The following PDE6A variants were observed in gnomAD, a reference collection of about 807,000 sequenced individuals.
PDE6A encodes phosphodiesterase 6A.
PDE6A carries 84 observed loss-of-function variants against 106.3 expected under a neutral mutation model. The observed-to-expected ratio is 0.79, with a 90% CI of 0.66 to 0.95. The LOEUF is 0.95. Ranked by LOEUF, PDE6A falls within the 40% of genes least tolerant of loss-of-function variation. The pLI is 0.00. For synonymous variants in PDE6A, 394 were observed against 386.6 expected, an observed-to-expected ratio of 1.02 and a Z score of -0.23; for missense variants, 1,052 against 1,084.9, an observed-to-expected ratio of 0.97 and a Z score of 0.43.
At chr5:149,899,319 C>T (rs528039183) in intron 9 of PDE6A, 56 bp downstream of exon 9, 213 of 1,587,518 alleles carry the variant, frequency 1.3e-4, no homozygotes, top group South Asian at 1.1e-3. Context: ...CACCCAGCCT[C>T]CCCCAGCAAG....
Position 149,899,739 on chromosome 5 carries a change from A to G in PDE6A, c.1114-215T>C, listed in dbSNP as rs566876089. Among the ~76,000 whole-genome samples the G allele has an allele frequency of 9.3e-4, 141 of 152,148 alleles. 1 individual carries two copies. Among genetic ancestry groups the G allele is most frequent in the African/African-American group, 3.3e-3 (135 of 41,504 alleles). On this transcript the variant is annotated intron_variant, in intron 8 of 21. Transcript: ENST00000255266. ...TAAGCCAAGTAGCCATTTTGTGTTC[A>G]CCCCTCAGATGTCAGGGCCAGTGTG...
intron 4 of PDE6A, among the ~76,000 whole-genome samples, chr5:149,923,065 C>G (rs540638201): frequency 6.6e-6 from 1 of 152,338 alleles, no homozygotes; most frequent in African/African-American, 2.4e-5. Flanking sequence ...TATTTCTATA[C>G]TTTACTTCCA....
Position 149,944,609 on chromosome 5 carries a change from T to C in PDE6A, c.65A>G (p.Gln22Arg), listed in dbSNP as rs1435966892. 1 of 1,613,892 alleles carries C rather than the reference T, an allele frequency of 6.2e-7. No individual in the cohort carries two copies. Among genetic ancestry groups the C allele is most frequent in the African/African-American group, 1.3e-5 (1 of 74,906 alleles). Residue 22 changes from glutamine (Q) to arginine (R), a missense_variant, in exon 1 of 22, where the codon CAG (glutamine) becomes CGG (arginine). Coordinates refer to ENST00000255266, the MANE Select transcript of PDE6A (RefSeq NM_000440.3). ...FLDSNIGFAK[Q>R]YYNLHYRAKL... ...GGCCCGGTAGTGGAGGTTGTAGTACTGTTTGGCAAAGCCAATATTCGAGTC... is the reference window on the plus strand; with the variant it reads ...GGCCCGGTAGTGGAGGTTGTAGTACCGTTTGGCAAAGCCAATATTCGAGTC...
chr5:149,906,393 G>T (rs955516433), intron 7 of PDE6A, among the ~76,000 whole-genome samples: 1 of 151,334 alleles, frequency 6.6e-6, no homozygotes, highest in Admixed American at 6.6e-5. Context: ...GGGTGTGGTG[G>T]TGCATGCCTG....
intron 8 of PDE6A, among the ~76,000 whole-genome samples, chr5:149,900,019 G>C (rs1203435538): frequency 6.6e-6 from 1 of 151,922 alleles, no homozygotes; most frequent in Non-Finnish European, 1.5e-5. Flanking sequence ...GAAAGAATCT[G>C]TGCCTCACTG....
chr5:149,906,534 A>AAAAAAAAAAAAAAAAAAAAAAAAAAAAC (rs1753194915), intron 7 of PDE6A, among the ~76,000 whole-genome samples: 1 of 149,022 alleles, frequency 6.7e-6, no homozygotes, highest in Non-Finnish European at 1.5e-5. Context: ...AAAAAAAAAA[A>AAAAAAAAAAAAAAAAAAAAAAAAAAAAC]AAAATCCCAC....
chr5:149,928,515 C>T (rs1050060574), intron 4 of PDE6A, among the ~76,000 whole-genome samples: 9 of 151,960 alleles, frequency 5.9e-5, no homozygotes, highest in Admixed American at 1.3e-4. Flanking sequence ...GGATTACAGG[C>T]GTGAGCCACC....
At chr5:149,910,325 G>A (rs1753335567) in intron 6 of PDE6A, among the ~76,000 whole-genome samples, 1 of 152,108 alleles carries the variant, frequency 6.6e-6, no homozygotes, top group African/African-American at 2.4e-5. Flanking sequence ...CTGTAAACAG[G>A]ATATAGGATT....
At chr5:149,890,435 T>C (rs1462664793) in intron 13 of PDE6A, among the ~76,000 whole-genome samples, 2 of 152,234 alleles carry the variant, frequency 1.3e-5, no homozygotes, top group Non-Finnish European at 2.9e-5. Context: ...ATACAATTAA[T>C]GCTAAATCTT....
In PDE6A at chr5:149,903,757, C is replaced by T. The variant is rs10045697; in HGVS notation, c.1066-62G>A. 0.12 allele frequency: 146,598 copies of T among 1,183,872 alleles called. 9,413 individuals carry two copies. Among genetic ancestry groups the T allele is most frequent in the South Asian group, 0.18 (15,207 of 82,584 alleles). 73.3% of individuals were successfully genotyped at this position (1,183,872 alleles called of 1,614,324 possible). A position where few individuals can be genotyped will look rare whatever the true frequency, so the allele number is the denominator to read the frequency against. On this transcript the variant is annotated intron_variant, in intron 7 of 21. Coordinates refer to ENST00000255266, the MANE Select transcript of PDE6A (RefSeq NM_000440.3). ...AGGCCTGAGAGGGTGCCCAGTGAAG[C>T]ACTGTATACCATTTTCAGAAACACC...
intron 1 of PDE6A, among the ~76,000 whole-genome samples, chr5:149,942,737 C>T (rs4705401): frequency 0.22 from 33,242 of 151,426 alleles, 4,228 homozygotes; most frequent in African/African-American, 0.33. Flanking sequence ...AGCGGGAAAA[C>T]ATGTGAGCAA....
chr5:149,928,227 A>ATTTTTTTT, intron 4 of PDE6A, among the ~76,000 whole-genome samples: 1 of 26,490 alleles, frequency 3.8e-5, no homozygotes, highest in Admixed American at 3.4e-4. Context: ...ATATATATAT[A>ATTTTTTTT]TATATTTTTT....
At chr5:149,938,266 T>C (rs1754237078) in intron 1 of PDE6A, among the ~76,000 whole-genome samples, 1 of 152,152 alleles carries the variant, frequency 6.6e-6, no homozygotes, top group Non-Finnish European at 1.5e-5. Flanking sequence ...TAAGGTCCTC[T>C]GTGAAGGTTT....
chr5:149,920,799 C>T (rs1294657058), intron 5 of PDE6A, among the ~76,000 whole-genome samples: 5 of 151,312 alleles, frequency 3.3e-5, no homozygotes. Context: ...CTTTGGGAGG[C>T]CAAGGTAGGA....
intron 5 of PDE6A, among the ~76,000 whole-genome samples, chr5:149,920,942 A>AAAAGAAAGAAAGAG (rs1753688520): frequency 2.8e-5 from 3 of 108,282 alleles, no homozygotes; most frequent in Non-Finnish European, 3.5e-5. Flanking sequence ...GAAAGAGAGA[A>AAAAGAAAGAAAGAG]AAAGAAAGAA....
intron 6 of PDE6A, among the ~76,000 whole-genome samples, chr5:149,910,322 C>T (rs1753335331): frequency 6.6e-6 from 1 of 152,152 alleles, no homozygotes; most frequent in African/African-American, 2.4e-5. Flanking sequence ...CTCCTGTAAA[C>T]AGGATATAGG....
In PDE6A at chr5:149,896,429, A is replaced by G. The variant is rs747689477; in HGVS notation, c.1547T>C (p.Leu516Pro). ...CTGTATTCCACATTTTACCAGCTCCAGTTCTGTTAGGGGTAAGTCACTGAA... is the reference window on the plus strand; with the variant it reads ...CTGTATTCCACATTTTACCAGCTCCGGTTCTGTTAGGGGTAAGTCACTGAA... ...FHFSDLPLTELELVKCGIQMY... is the reference protein window; with the variant it reads ...FHFSDLPLTEPELVKCGIQMY... The change falls in exon 12 of 22, where the codon CTG (leucine) becomes CCG (proline). Residue 516 changes from leucine (L) to proline (P), a missense_variant. By Grantham distance (98) the Leu-to-Pro change is moderately conservative. Coordinates refer to ENST00000255266, the MANE Select transcript of PDE6A (RefSeq NM_000440.3). The G allele has an allele frequency of 2.5e-6, 4 of 1,614,116 alleles. 1 individual carries two copies. The South Asian group carries it at 3.3e-5, about 13-fold the overall frequency.
At chr5:149,896,891 G>C in intron 10 of PDE6A, 115 bp from the exon 11 acceptor site, 1 of 1,154,576 alleles carries the variant, frequency 8.7e-7, no homozygotes, top group South Asian at 1.2e-5. Flanking sequence ...CCAGCTCAAA[G>C]AGGATTCCAT....
At chr5:149,914,749 T>TAAAA (rs1753500239) in intron 6 of PDE6A, among the ~76,000 whole-genome samples, 194 bp downstream of exon 6, 1 of 152,196 alleles carries the variant, frequency 6.6e-6, no homozygotes, top group Non-Finnish European at 1.5e-5. Context: ...AAAAGTATCT[T>TAAAA]AAAAATGATT....
Sources: allele counts gnomAD v4.1 joint callset (sites outside exome capture counted in the v4.1 genomes callset), GRCh38; gene constraint gnomAD v4.1.1; transcripts MANE v1.5; gene names NCBI Gene and HGNC (gene_info 2026-07-23, HGNC 2026-07-21).